Variants in KANK1 observed in about 807,000 individuals in gnomAD.
KANK1 encodes the protein KN motif and ankyrin repeat domains 1, also known as KN motif and ankyrin repeat domain-containing protein 1.
A neutral mutation model predicts 106.2 loss-of-function variants in KANK1; 109 were observed. The observed-to-expected ratio is 1.03, with a 90% CI of 0.88 to 1.20. The LOEUF is 1.20. KANK1 is among the 50% of genes most tolerant of loss of function. The probability of loss-of-function intolerance (pLI) is 0.00; values close to 1 mark genes in which losing one functional copy is unlikely to be tolerated. For missense variants in KANK1, 2,399 were observed against 1,710.7 expected, an observed-to-expected ratio of 1.40 and a Z score of -7.10; for synonymous variants, 873 against 652.2, an observed-to-expected ratio of 1.34 and a Z score of -5.16.
intron 1 of KANK1, among the ~76,000 whole-genome samples, chr9:634,509 C>G (rs1442123275): frequency 1.3e-5 from 2 of 152,208 alleles, no homozygotes; most frequent in African/African-American, 4.8e-5. Context: ...GGCCACCTGA[C>G]TTCTGAGCAG....
chr9:507,478 C>A (rs1470412489), intron 1 of KANK1, among the ~76,000 whole-genome samples: 1 of 152,124 alleles, frequency 6.6e-6, no homozygotes, highest in Non-Finnish European at 1.5e-5. Flanking sequence ...CAACCTCCGC[C>A]TCCCAGGTTT....
chr9:634,170 T>C (rs1456879936), intron 1 of KANK1, among the ~76,000 whole-genome samples: 1 of 152,226 alleles, frequency 6.6e-6, no homozygotes, highest in Non-Finnish European at 1.5e-5. Context: ...AATGGAGTTA[T>C]TATTCAAATC....
chr9:731,234 A>G lies in KANK1; in HGVS notation c.2973A>G (p.Lys991=). ...GTAACAAAGATTCAAATGGCGCAAA[A>G]AAGAATCTTCAGTTTGTTGGCATTA... ...KDGNKDSNGA[K]KNLQFVGING... Residue 991 remains lysine, a synonymous_variant, in exon 5 of 12, where the codon AAA becomes AAG. Coordinates refer to ENST00000382297, the MANE Select transcript of KANK1 (RefSeq NM_015158.5). 2 of 1,609,880 alleles carry G rather than the reference A, an allele frequency of 1.2e-6. No homozygotes were observed. Among genetic ancestry groups the G allele is most frequent in the East Asian group, 2.2e-5 (1 of 44,842 alleles).
intron 4 of KANK1, chr9:730,712 G>A: frequency 5.3e-6 from 1 of 189,480 alleles, no homozygotes; most frequent in South Asian, 1.0e-4. Flanking sequence ...AAAGAAAGCT[G>A]TACAAGAAAG....
chr9:641,544 G>T (rs956788702), intron 1 of KANK1, among the ~76,000 whole-genome samples: 5 of 152,134 alleles, frequency 3.3e-5, no homozygotes, highest in African/African-American at 1.2e-4. Context: ...TCTAAGCGTT[G>T]GGATTCCAAG....
chr9:474,307 A>AT (rs34233767), intron 3 of KANK1, among the ~76,000 whole-genome samples: 2,455 of 152,342 alleles, frequency 0.016, 25 homozygotes, highest in Non-Finnish European at 0.025. Context: ...ATGGACTAGT[A>AT]TTTATAAGTA....
chr9:546,673 C>T (rs1262113345), intron 1 of KANK1, among the ~76,000 whole-genome samples: 1 of 151,888 alleles, frequency 6.6e-6, no homozygotes. Context: ...ACCCCCACTC[C>T]CCCAAGCAGT....
At chr9:607,439 C>T (rs547578070) in intron 1 of KANK1, among the ~76,000 whole-genome samples, 1 of 137,246 alleles carries the variant, frequency 7.3e-6, no homozygotes, top group South Asian at 2.3e-4. Context: ...GAGCCAAGAT[C>T]GTGCCATTGC....
intron 1 of KANK1, among the ~76,000 whole-genome samples, chr9:537,128 C>T (rs1490294627): frequency 3.3e-5 from 5 of 152,164 alleles, no homozygotes; most frequent in Admixed American, 6.5e-5. Context: ...CCTTTCATAA[C>T]GGAAATACTG....
chr9:536,669 G>T (rs1587608590), intron 1 of KANK1, among the ~76,000 whole-genome samples: 1 of 152,162 alleles, frequency 6.6e-6, no homozygotes, highest in East Asian at 1.9e-4. Flanking sequence ...CATTAGATTG[G>T]GTCCATCTAG....
chr9:595,147 C>T (rs1369454158), intron 1 of KANK1, among the ~76,000 whole-genome samples: 3 of 151,700 alleles, frequency 2.0e-5, no homozygotes, highest in Non-Finnish European at 4.4e-5. Flanking sequence ...GGCATGGTGG[C>T]ACATGACTGT....
chr9:732,363 C>A lies in KANK1; in HGVS notation c.3006-15C>A. The A allele has an allele frequency of 6.2e-7, 1 of 1,601,084 alleles. No homozygotes were observed. The highest frequency in any genetic ancestry group is 8.5e-7 in the Non-Finnish European group (1 of 1,169,622). Reference sequence around the variant, plus strand: ...AGCACACCTTGCATCTCCTGAAATCCCAATTGCCACCTAGGTATGAAACAA... The same window carrying A: ...AGCACACCTTGCATCTCCTGAAATCACAATTGCCACCTAGGTATGAAACAA... On this transcript the variant is annotated splice_polypyrimidine_tract_variant and intron_variant, in intron 5 of 11. Transcript: ENST00000382297.
chr9:545,498 G>T (rs2060872072), intron 1 of KANK1, among the ~76,000 whole-genome samples: 1 of 152,238 alleles, frequency 6.6e-6, no homozygotes, highest in Admixed American at 6.5e-5. Flanking sequence ...AGGGCTTAGG[G>T]CAGAACTCTG....
intron 1 of KANK1, among the ~76,000 whole-genome samples, chr9:648,898 T>C (rs1588562100): frequency 6.6e-6 from 1 of 152,162 alleles, no homozygotes; most frequent in Non-Finnish European, 1.5e-5. Context: ...CTAGTTAAAG[T>C]GAGGAAAACA....
intron 3 of KANK1, among the ~76,000 whole-genome samples, chr9:486,180 G>A (rs886984029): frequency 6.6e-6 from 1 of 152,128 alleles, no homozygotes; most frequent in Non-Finnish European, 1.5e-5. Flanking sequence ...GTAATCAAAG[G>A]ATTATTTTAC....
At chr9:702,926 G>A (rs577752002) in intron 2 of KANK1, among the ~76,000 whole-genome samples, 3 of 152,084 alleles carry the variant, frequency 2.0e-5, no homozygotes, top group Non-Finnish European at 4.4e-5. Flanking sequence ...GTTCTGTTTT[G>A]ATCACTAGTT....
intron 1 of KANK1, among the ~76,000 whole-genome samples, chr9:625,368 T>C (rs1173624437): frequency 6.6e-6 from 1 of 152,188 alleles, no homozygotes; most frequent in Non-Finnish European, 1.5e-5. Flanking sequence ...CCAACAAAAA[T>C]ACTGGCTAAC....
rs192251068 is a variant in KANK1, at chr9:630,977, G to A, written c.-83-45913G>A. ...CTCAAAAAACAAAACAAAACAAAAA[G>A]TGCTTAGTCAATATCTGGTTGTTGA... On this transcript the variant is annotated intron_variant, in intron 1 of 11. Coordinates refer to ENST00000382297, the MANE Select transcript of KANK1 (RefSeq NM_015158.5). Among the ~76,000 whole-genome samples the A allele has an allele frequency of 8.0e-4, 122 of 152,182 alleles. 1 individual carries two copies. Among genetic ancestry groups the A allele is most frequent in the African/African-American group, 2.7e-3 (114 of 41,532 alleles).
intron 1 of KANK1, among the ~76,000 whole-genome samples, chr9:562,307 C>G (rs1587835826): frequency 6.6e-6 from 1 of 152,054 alleles, no homozygotes; most frequent in Admixed American, 6.5e-5. Context: ...CCGCCTCGGC[C>G]TCCCAAAGTG....
Sources: allele counts gnomAD v4.1 joint callset (sites outside exome capture counted in the v4.1 genomes callset), GRCh38; gene constraint gnomAD v4.1.1; transcripts MANE v1.5; gene names NCBI Gene and HGNC (gene_info 2026-07-23, HGNC 2026-07-21).